RSPH14: variants seen among roughly 807,000 people sequenced by gnomAD.
The protein encoded by RSPH14 is radial spoke head 14 homolog.
RSPH14 carries 20 observed loss-of-function variants against 26.7 expected under a neutral mutation model. That is an observed-to-expected ratio of 0.75 (90% CI 0.53 to 1.09). The LOEUF (loss-of-function observed/expected upper bound fraction) is 1.09. Among genes scored for constraint, RSPH14 ranks in the 50% least tolerant of loss-of-function variants. The probability of loss-of-function intolerance (pLI) is 0.00; values close to 1 mark genes in which losing one functional copy is unlikely to be tolerated. For synonymous variants in RSPH14, 177 were observed against 189.3 expected (o/e 0.93, Z 0.53); for missense variants, 449 against 457.2 (o/e 0.98, Z 0.16).
In RSPH14 at chr22:23,077,110, G is replaced by A. The variant is rs567023548; in HGVS notation, c.422-12977C>T. On this transcript the variant is annotated intron_variant, in intron 4 of 6. Transcript: ENST00000216036. ...GGTCGATTAGTGATGTCTGCAGCGG[G>A]CACGGGAGGCAGGATTTAGATGAGC... Among the ~76,000 whole-genome samples the A allele has an allele frequency of 1.3e-4, 20 of 152,282 alleles. No homozygotes were observed. In the East Asian group the frequency reaches 3.3e-3, roughly 25 times the overall value.
At chr22:23,155,985 A>G in the RSPH14 span, 10 of 1,612,592 alleles carry the variant, frequency 6.2e-6, no homozygotes, top group Admixed American at 1.7e-5. Context: ...ACAGCTGGGC[A>G]GGAGAAGTTC....
intron 4 of RSPH14, among the ~76,000 whole-genome samples, chr22:23,112,810 G>A (rs529585276): frequency 6.6e-6 from 1 of 152,156 alleles, no homozygotes; most frequent in Non-Finnish European, 1.5e-5. Context: ...GTGGGGATAG[G>A]GACCTGGCTG....
chr22:23,133,857 G>A (rs1315355273), intron 4 of RSPH14, 169 bp downstream of exon 4: 1 of 525,404 alleles, frequency 1.9e-6, no homozygotes, highest in Non-Finnish European at 3.6e-6. Context: ...CAAAGTGCTG[G>A]GATTACAGGT....
chr22:23,158,362 C>T, the RSPH14 span, among the ~76,000 whole-genome samples: 1 of 152,226 alleles, frequency 6.6e-6, no homozygotes, highest in Non-Finnish European at 1.5e-5. Context: ...GAATGAGGTG[C>T]CCCACGTGTT....
At chr22:23,154,062 C>G in the RSPH14 span, among the ~76,000 whole-genome samples, 1 of 152,062 alleles carries the variant, frequency 6.6e-6, no homozygotes, top group African/African-American at 2.4e-5. Context: ...TACCCCTTCC[C>G]TCTGCCTTCC....
chr22:23,150,383 G>A, the RSPH14 span, among the ~76,000 whole-genome samples: 1 of 149,806 alleles, frequency 6.7e-6, no homozygotes, highest in East Asian at 2.0e-4. Context: ...CTCACTGCAA[G>A]CTCTGCCTCC....
At chr22:23,157,204 A>G in the RSPH14 span, among the ~76,000 whole-genome samples, 2 of 151,066 alleles carry the variant, frequency 1.3e-5, no homozygotes, top group African/African-American at 4.9e-5. Context: ...GCTAACCATC[A>G]CTGCTGTAGC....
the RSPH14 span, among the ~76,000 whole-genome samples, chr22:23,157,427 G>A: frequency 3.9e-5 from 6 of 151,994 alleles, no homozygotes; most frequent in East Asian, 1.9e-4. Flanking sequence ...ATTTTTTTGT[G>A]TGTGTGTATT....
rs748606717 is a variant in RSPH14, at chr22:23,059,604, G to T, written c.905C>A (p.Ala302Asp). ...CTGCAGGGCCTTGCGGCCCTCGGGG[G>T]CCTCTGCCAGCATGGTAAGGGCCTT... ...ATKALTMLAEAPEGRKALQTH... is the reference protein window; with the variant it reads ...ATKALTMLAEDPEGRKALQTH... Residue 302 changes from alanine (A) to aspartate (D), a missense_variant, in exon 7 of 7, where the codon GCC (alanine) becomes GAC (aspartate). Physicochemically the swap from Ala to Asp is moderately radical, Grantham distance 126 (BLOSUM62 -2). Transcript: ENST00000216036. 3 of 1,613,414 alleles carry T rather than the reference G, an allele frequency of 1.9e-6. No individual in the cohort carries two copies. The highest frequency in any genetic ancestry group is 2.2e-5 in the East Asian group (1 of 44,886).
At chr22:23,125,759 G>C (rs3788348) in intron 4 of RSPH14, among the ~76,000 whole-genome samples, 73,654 of 151,676 alleles carry the variant, frequency 0.49, 18,482 homozygotes, top group Middle Eastern at 0.57. Flanking sequence ...GCTCCCACTG[G>C]AGGAGCAGAG....
chr22:23,122,591 A>C, intron 4 of RSPH14: 1 of 161,130 alleles, frequency 6.2e-6, no homozygotes, highest in East Asian at 1.7e-4. Context: ...GAAGGATCAG[A>C]GTTTTGAAGG....
Position 23,139,059 on chromosome 22 carries a change from T to C in RSPH14, c.200-117A>G, listed in dbSNP as rs1360038261. ...TGGGGCAGGAATGTACCAGAGTTTC[T>C]GCTGCTTTGGGGCACTGGGGAATCA... On this transcript the variant is annotated intron_variant, in intron 2 of 6. Transcript: ENST00000216036. The C allele has an allele frequency of 9.3e-5, 69 of 743,562 alleles. No individual in the cohort carries two copies. The South Asian group carries it at 1.1e-3, about 12-fold the overall frequency. The allele number at this position is 743,562 out of a possible 1,614,324, so 46.1% of individuals were successfully genotyped here. A position where few individuals can be genotyped will look rare whatever the true frequency, so the allele number is the denominator to read the frequency against.
chr22:23,145,266 AG>A, upstream of RSPH14: 2 of 343,904 alleles, frequency 5.8e-6, no homozygotes, highest in Non-Finnish European at 9.3e-6. Context: ...CCACCCATCC[AG>A]CACCGCCCTT....
chr22:23,172,145 A>G, the RSPH14 span, among the ~76,000 whole-genome samples: 1 of 152,240 alleles, frequency 6.6e-6, no homozygotes, highest in Admixed American at 6.5e-5. Context: ...TAATGTTTTC[A>G]AGGCTCATCC....
At chr22:23,152,799 T>C in the RSPH14 span, among the ~76,000 whole-genome samples, 1 of 152,154 alleles carries the variant, frequency 6.6e-6, no homozygotes, top group African/African-American at 2.4e-5. Flanking sequence ...TCCCTGCAAA[T>C]GGCTGCTCAG....
the RSPH14 span, among the ~76,000 whole-genome samples, chr22:23,164,908 C>T: frequency 6.6e-6 from 1 of 151,816 alleles, no homozygotes; most frequent in African/African-American, 2.4e-5. Context: ...CCACCCCACC[C>T]CCACAGGCCC....
intron 4 of RSPH14, chr22:23,124,740 C>T (rs2070132279): frequency 5.9e-6 from 1 of 168,854 alleles, no homozygotes; most frequent in Non-Finnish European, 1.3e-5. Flanking sequence ...CTGAGGGAGG[C>T]CCTGCTGGGA....
chr22:23,175,808 C>T, the RSPH14 span, among the ~76,000 whole-genome samples: 1 of 152,206 alleles, frequency 6.6e-6, no homozygotes, highest in Non-Finnish European at 1.5e-5. Flanking sequence ...CCACCTCTGC[C>T]CTGCCGGCCT....
intron 5 of RSPH14, among the ~76,000 whole-genome samples, chr22:23,063,307 G>C (rs1225193799): frequency 6.6e-6 from 1 of 152,218 alleles, no homozygotes; most frequent in Non-Finnish European, 1.5e-5. Context: ...CTCCACTAAA[G>C]AGACATAGCC....
Sources: gnomAD v4.1 joint callset for allele counts (sites outside exome capture counted in the v4.1 genomes callset) on GRCh38, gnomAD v4.1.1 for gene constraint, MANE v1.5 for transcripts, NCBI Gene and HGNC (gene_info 2026-07-23, HGNC 2026-07-21) for gene names.